Variants in EIF4A1 observed in about 807,000 individuals in gnomAD.
EIF4A1 encodes eukaryotic translation initiation factor 4A1.
In EIF4A1, 11 loss-of-function variants were observed where a neutral mutation model predicts 53.5. The observed-to-expected ratio is 0.21, with a 90% CI of 0.13 to 0.34. The LOEUF is 0.34. EIF4A1 is among the 10% of genes least tolerant of loss of function. The pLI, the probability that EIF4A1 is intolerant of heterozygous loss-of-function variation, is 1.00. For synonymous variants in EIF4A1, 237 were observed against 186.7 expected (o/e 1.27, Z -2.20); for missense variants, 213 against 530.8 (o/e 0.40, Z 5.88).
rs1228161893 is a variant in EIF4A1 at position 7,574,242 on chromosome 17, T to C, written c.24-18T>C. On this transcript the variant is annotated intron_variant, in intron 1 of 10. Coordinates refer to ENST00000293831, the MANE Select transcript of EIF4A1 (RefSeq NM_001416.4). Reference sequence around the variant, plus strand: ...CTTCGGTCGGGCAGGGGACAAAACTTATGCTTTAAACCAACAGATCCAGAG... The same window carrying C: ...CTTCGGTCGGGCAGGGGACAAAACTCATGCTTTAAACCAACAGATCCAGAG... 2 of 1,613,872 alleles carry C rather than the reference T, an allele frequency of 1.2e-6. No homozygotes were observed. Among genetic ancestry groups the C allele is most frequent in the Non-Finnish European group, 1.7e-6 (2 of 1,180,006 alleles).
In EIF4A1 at chr17:7,575,468, CTG is replaced by C. The variant is rs1283266139; in HGVS notation, c.345+212_345+213del. On this transcript the variant is annotated intron_variant, in intron 4 of 10. Coordinates refer to ENST00000293831, the MANE Select transcript of EIF4A1 (RefSeq NM_001416.4). ...CCATTTCCTGAGTCAAATGGGAAAG[CTG>C]TTGGGTGAAGCCTGGCTGGCTGGGC... is the stretch of plus-strand genomic sequence containing the variant. 6 of 803,714 alleles carry C rather than the reference CTG, an allele frequency of 7.5e-6. No homozygotes were observed. The African/African-American group carries it at 1.0e-4, about 14-fold the overall frequency. 49.8% of individuals were successfully genotyped at this position (803,714 alleles called of 1,614,324 possible). A position where few individuals can be genotyped will look rare whatever the true frequency, so the allele number is the denominator to read the frequency against.
In EIF4A1 at chr17:7,577,007, A is replaced by C. The variant is rs142972972; in HGVS notation, c.515-49A>C. ...CAGCGAAGTTGGATATATCTCTCCCACATTTCCCTAATCATATGCTATATA... is the reference window on the plus strand; with the variant it reads ...CAGCGAAGTTGGATATATCTCTCCCCCATTTCCCTAATCATATGCTATATA... On this transcript the variant is annotated intron_variant, in intron 5 of 10. Coordinates refer to ENST00000293831, the MANE Select transcript of EIF4A1 (RefSeq NM_001416.4). This position sits in a 1 kb window ranked among gnomAD's most constrained non-coding sequence, Gnocchi z 4.7. 21,556 of 1,602,168 alleles carry C rather than the reference A, an allele frequency of 0.013. 167 individuals are homozygous for C. Among genetic ancestry groups the C allele is most frequent in the Non-Finnish European group, 0.016 (18,882 of 1,170,180 alleles).
chr17:7,576,707 T>A lies in EIF4A1; in HGVS notation c.514+15T>A. 6.3e-7 allele frequency: 1 copy of A among 1,588,704 alleles called. No individual in the cohort carries two copies. The highest frequency in any genetic ancestry group is 8.6e-7 in the Non-Finnish European group (1 of 1,164,364). On this transcript the variant is annotated intron_variant, in intron 5 of 10. Coordinates refer to ENST00000293831, the MANE Select transcript of EIF4A1 (RefSeq NM_001416.4). ...GAGATACCTGTGTGAGTAATTCGGT[T>A]CTCCAATCCCCTGGGTCACTTTGCT...
intron 1 of EIF4A1, 116 bp downstream of exon 1, chr17:7,572,980 G>T (rs566939202): frequency 1.9e-6 from 3 of 1,589,562 alleles, no homozygotes; most frequent in East Asian, 4.5e-5. Context: ...GAACCGGGTG[G>T]GGGGAGGGTC....
In EIF4A1 at chr17:7,576,703, C is replaced by G; in HGVS notation, c.514+11C>G. 1 of 1,591,818 alleles carries G rather than the reference C, an allele frequency of 6.3e-7. No individual in the cohort carries two copies. Among genetic ancestry groups the G allele is most frequent in the South Asian group, 1.1e-5 (1 of 88,564 alleles). ...ACCGGAGATACCTGTGTGAGTAATT[C>G]GGTTCTCCAATCCCCTGGGTCACTT... is the stretch of plus-strand genomic sequence containing the variant. On this transcript the variant is annotated intron_variant, in intron 5 of 10. Transcript: ENST00000293831.
rs371622500 is a variant in EIF4A1, at chr17:7,572,995, T to C, written c.23+131T>C. 19 of 1,537,230 alleles carry C rather than the reference T, an allele frequency of 1.2e-5. No homozygotes were observed. In the East Asian group the frequency reaches 2.9e-4, roughly 24 times the overall value. The stretch of plus-strand genomic sequence containing the variant: ...GAACCGGGTGGGGGGAGGGTCCGAC[T>C]TGGAGGGGCGAGGGGGAAGACCCAC... On this transcript the variant is annotated intron_variant, in intron 1 of 10. Transcript: ENST00000293831.
Position 7,578,117 on chromosome 17 carries a change from TAG to T in EIF4A1, c.997-45_997-44del, listed in dbSNP as rs761830525. The T allele has an allele frequency of 4.6e-5, 74 of 1,612,910 alleles. 1 individual carries two copies. Among genetic ancestry groups the T allele is most frequent in the Middle Eastern group, 1.7e-4 (1 of 6,056 alleles). The stretch of plus-strand genomic sequence containing the variant: ...ATGCCTAAGTGTCTTCCCTCCGGGA[TAG>T]AGTGTCCTCCGTGCACATGCTGAAG... On this transcript the variant is annotated intron_variant, in intron 9 of 10. Coordinates refer to ENST00000293831, the MANE Select transcript of EIF4A1 (RefSeq NM_001416.4).
rs1041598571 is a variant in EIF4A1 at position 7,578,714 on chromosome 17, A to C, written c.*228A>C. 1 of 403,076 alleles carries C rather than the reference A, an allele frequency of 2.5e-6. No homozygotes were observed. Among genetic ancestry groups the C allele is most frequent in the Non-Finnish European group, 4.3e-6 (1 of 232,448 alleles). The allele number at this position is 403,076 out of a possible 1,614,324, so 25.0% of individuals were successfully genotyped here. On this transcript the variant is annotated 3_prime_UTR_variant, in exon 11 of 11. Transcript: ENST00000293831. ...GGCTCTTCTCCCAAAAAAAAAAAAA[A>C]AACACTAATCCATTTCCCTAACCTA...
At chr17:7,572,916 C>T (rs777669996) in intron 1 of EIF4A1, 52 bp downstream of exon 1, 3 of 1,614,116 alleles carry the variant, frequency 1.9e-6, no homozygotes, top group East Asian at 4.5e-5. Context: ...CCGCCCCCTT[C>T]CGACGGGCCC....
intron 1 of EIF4A1, 152 bp downstream of exon 1, chr17:7,573,016 C>A (rs903938253): frequency 2.1e-6 from 3 of 1,418,540 alleles, no homozygotes; most frequent in South Asian, 1.2e-5. Flanking sequence ...AGGGGGAAGA[C>A]CCACGGCCGA....
chr17:7,572,826 C>T lies in EIF4A1; in HGVS notation c.-16C>T, dbSNP rs540517284. 4.5e-5 allele frequency: 72 copies of T among 1,614,134 alleles called. No homozygotes were observed. Among genetic ancestry groups the T allele is most frequent in the African/African-American group, 1.7e-4 (13 of 75,056 alleles). On this transcript the variant is annotated 5_prime_UTR_variant, in exon 1 of 11. Coordinates refer to ENST00000293831, the MANE Select transcript of EIF4A1 (RefSeq NM_001416.4). Reference sequence around the variant, plus strand: ...GTTGTCGATAGGCGGGCACTCCGCCCTAGTTTCTAAGGATCATGTCTGCGA... The same window carrying T: ...GTTGTCGATAGGCGGGCACTCCGCCTTAGTTTCTAAGGATCATGTCTGCGA...
In EIF4A1 at chr17:7,574,250, A is replaced by C. The variant is rs777723247; in HGVS notation, c.24-10A>C. 7 of 1,614,144 alleles carry C rather than the reference A, an allele frequency of 4.3e-6. No homozygotes were observed. In the South Asian group the frequency reaches 7.7e-5, roughly 18 times the overall value. ...GGGCAGGGGACAAAACTTATGCTTTAAACCAACAGATCCAGAGACAATGGC... is the reference window on the plus strand; with the variant it reads ...GGGCAGGGGACAAAACTTATGCTTTCAACCAACAGATCCAGAGACAATGGC... On this transcript the variant is annotated splice_polypyrimidine_tract_variant and intron_variant, in intron 1 of 10. Transcript: ENST00000293831.
intron 1 of EIF4A1, chr17:7,573,961 C>T (rs944180516): frequency 1.7e-5 from 7 of 410,358 alleles, no homozygotes; most frequent in Middle Eastern, 6.4e-4. Flanking sequence ...CCACGTGGAC[C>T]CGGCGGCAAG....
Position 7,577,777 on chromosome 17 carries a change from T to C in EIF4A1, c.907-50T>C. 6.2e-7 allele frequency: 1 copy of C among 1,614,108 alleles called. No individual in the cohort carries two copies. The highest frequency in any genetic ancestry group is 1.1e-5 in the South Asian group (1 of 91,074). Reference sequence around the variant, plus strand: ...GTGTCCTACTTGAAGCCAGGGTTCCTGGAACCCAGGTGCCTACCTGGTCTG... The same window carrying C: ...GTGTCCTACTTGAAGCCAGGGTTCCCGGAACCCAGGTGCCTACCTGGTCTG... On this transcript the variant is annotated intron_variant, in intron 8 of 10. Coordinates refer to ENST00000293831, the MANE Select transcript of EIF4A1 (RefSeq NM_001416.4). This position sits in a 1 kb window ranked among gnomAD's most constrained non-coding sequence, Gnocchi z 4.7.
At chr17:7,576,383 C>T in intron 4 of EIF4A1, 141 bp from the exon 5 acceptor site, 2 of 1,129,906 alleles carry the variant, frequency 1.8e-6, no homozygotes, top group South Asian at 3.8e-5. Flanking sequence ...TTAGCCTCTG[C>T]CTGTTTCTCA....
chr17:7,576,195 C>T (rs145041967), intron 4 of EIF4A1: 6 of 203,740 alleles, frequency 2.9e-5, no homozygotes, highest in Admixed American at 5.8e-5. Flanking sequence ...ATGGTTGCTG[C>T]GTGATGAGGC....
In EIF4A1 at chr17:7,574,763, T is replaced by G. The variant is rs548960288; in HGVS notation, c.205+85T>G. On this transcript the variant is annotated intron_variant, in intron 3 of 10. Transcript: ENST00000293831. ...TCTGGTTGGTGATGCCCATCTCATA[T>G]CAGCCAGGGACAAAGCAACTCCTTG... 5.6e-6 allele frequency: 9 copies of G among 1,597,170 alleles called. No homozygotes were observed. In the African/African-American group the frequency reaches 8.0e-5, roughly 14 times the overall value.
intron 3 of EIF4A1, 36 bp from the exon 4 acceptor site, chr17:7,575,083 T>C: frequency 6.2e-7 from 1 of 1,610,414 alleles, no homozygotes; most frequent in Non-Finnish European, 8.5e-7. Flanking sequence ...AAGGGTATGC[T>C]CTTTACCACA....
chr17:7,574,889 C>T (rs776706736), intron 3 of EIF4A1: 17 of 1,034,208 alleles, frequency 1.6e-5, no homozygotes, highest in Non-Finnish European at 2.4e-5. Flanking sequence ...CTTATATTTG[C>T]ATCTACAGCC....
Sources: allele counts gnomAD v4.1 joint callset, GRCh38; gene constraint gnomAD v4.1.1; non-coding constraint Gnocchi (gnomAD v3.1); transcripts MANE v1.5; gene names NCBI Gene and HGNC (gene_info 2026-07-23, HGNC 2026-07-21).